The following TBC1D32 variants were observed in gnomAD, a reference collection of about 807,000 sequenced individuals.
TBC1D32 encodes the protein TBC1 domain family member 32, also known as protein broad-minded.
TBC1D32 carries 151 observed loss-of-function variants against 170.3 expected under a neutral mutation model. That is an observed-to-expected ratio of 0.89 (90% CI 0.78 to 1.01). TBC1D32 has a LOEUF of 1.01. Ranked by LOEUF, TBC1D32 falls within the 50% of genes least tolerant of loss-of-function variation. The pLI, the probability that TBC1D32 is intolerant of heterozygous loss-of-function variation, is 0.00. For missense variants in TBC1D32, 1,464 were observed against 1,457.1 expected (o/e 1.00, Z -0.08); for synonymous variants, 498 against 488.0 (o/e 1.02, Z -0.27).
Position 121,228,666 on chromosome 6 carries a change from A to G in TBC1D32, c.2365-5314T>C, listed in dbSNP as rs191610832. ...TTTATTTAGACTTGCATTTAGCCCA[A>G]CATGGTCTATCTTTGAGGACATGCC... is the stretch of plus-strand genomic sequence containing the variant. On this transcript the variant is annotated intron_variant, in intron 20 of 31. Transcript: ENST00000398212. 9.1e-4 allele frequency among the ~76,000 whole-genome samples: 138 copies of G among 152,244 alleles called. 1 individual carries two copies. Among genetic ancestry groups the G allele is most frequent in the Non-Finnish European group, 1.3e-3 (90 of 67,986 alleles).
intron 22 of TBC1D32, among the ~76,000 whole-genome samples, chr6:121,198,811 T>C (rs1483331818): frequency 6.6e-6 from 1 of 150,646 alleles, no homozygotes; most frequent in African/African-American, 2.5e-5. Context: ...AAATGGAGGG[T>C]GAACTAAAGA....
rs1040009446 is a variant in TBC1D32, at chr6:121,090,852, C to A, written c.3654+1G>T. On this transcript the variant is annotated splice_donor_variant, in intron 31 of 31. Transcript: ENST00000398212. LOFTEE classifies it high-confidence loss of function. ...TTTCCTCTCCATATAAACATACTTA[C>A]TTTTAGGAAAACTTGCAGATCTTGA... The A allele has an allele frequency of 1.2e-6, 2 of 1,607,818 alleles. No homozygotes were observed. Among genetic ancestry groups the A allele is most frequent in the Non-Finnish European group, 1.7e-6 (2 of 1,178,368 alleles).
intron 26 of TBC1D32, among the ~76,000 whole-genome samples, chr6:121,117,028 G>T (rs1481639292): frequency 6.6e-6 from 1 of 152,122 alleles, no homozygotes; most frequent in African/African-American, 2.4e-5. Flanking sequence ...AAATAAGATT[G>T]CCAAGAGGGA....
In TBC1D32 at chr6:121,080,467, G is replaced by T. The variant is rs949968365; in HGVS notation, c.*304C>A. On this transcript the variant is annotated 3_prime_UTR_variant, in exon 32 of 32. Transcript: ENST00000398212. ...TTGACCTCGTGATCCGCCCACCTCA[G>T]ACTCCCAAAGTGCTGGGATTACAGG... The T allele has an allele frequency of 4.9e-5, 12 of 245,316 alleles. No individual in the cohort carries two copies. The highest frequency in any genetic ancestry group is 8.2e-5 in the Non-Finnish European group (10 of 122,040). 15.2% of individuals were successfully genotyped at this position (245,316 alleles called of 1,614,324 possible).
Position 121,321,823 on chromosome 6 carries a change from G to A in TBC1D32, c.156-29C>T, listed in dbSNP as rs545278269. 77 of 1,577,562 alleles carry A rather than the reference G, an allele frequency of 4.9e-5. 1 individual carries two copies. Among genetic ancestry groups the A allele is most frequent in the Admixed American group, 3.0e-4 (17 of 56,742 alleles). ...AAACAAATATTTAGAAAATAAATGC[G>A]GTAAATATCATAAGCATATTCAGAA... On this transcript the variant is annotated intron_variant, in intron 1 of 31. Coordinates refer to ENST00000398212, the MANE Select transcript of TBC1D32 (RefSeq NM_152730.6).
intron 31 of TBC1D32, among the ~76,000 whole-genome samples, chr6:121,089,521 T>G (rs538165259): frequency 6.6e-6 from 1 of 152,306 alleles, no homozygotes; most frequent in South Asian, 2.1e-4. Context: ...TGCTTAACAC[T>G]TCCTGTATTC....
At chr6:121,274,883 G>C (rs1802011668) in intron 15 of TBC1D32, among the ~76,000 whole-genome samples, 1 of 152,096 alleles carries the variant, frequency 6.6e-6, no homozygotes, top group Non-Finnish European at 1.5e-5. Flanking sequence ...AACATGCTGA[G>C]AGAGGATTTA....
chr6:121,313,259 C>A (rs1179153356), intron 3 of TBC1D32, among the ~76,000 whole-genome samples: 1 of 150,074 alleles, frequency 6.7e-6, no homozygotes, highest in African/African-American at 2.5e-5. Flanking sequence ...GGATGAACTA[C>A]CATGCCTGGC....
chr6:121,260,101 A>G (rs1799569527), intron 15 of TBC1D32, among the ~76,000 whole-genome samples: 1 of 152,172 alleles, frequency 6.6e-6, no homozygotes, highest in Admixed American at 6.5e-5. Context: ...AAATATACTG[A>G]CATTAGGGGT....
chr6:121,308,740 C>T (rs906381233), intron 4 of TBC1D32, among the ~76,000 whole-genome samples: 1 of 127,030 alleles, frequency 7.9e-6, no homozygotes, highest in African/African-American at 2.9e-5. Flanking sequence ...CCAGGCCAGA[C>T]TGCGGACTGC....
intron 12 of TBC1D32, among the ~76,000 whole-genome samples, chr6:121,284,432 C>A (rs74896820): frequency 0.033 from 4,990 of 152,180 alleles, 191 homozygotes; most frequent in East Asian, 0.12. Context: ...ATGAGTATGG[C>A]TATTTTCCAA....
intron 24 of TBC1D32, among the ~76,000 whole-genome samples, chr6:121,150,707 C>T (rs886422010): frequency 2.6e-5 from 4 of 152,132 alleles, no homozygotes; most frequent in Admixed American, 2.6e-4. Flanking sequence ...TTCAAGGATT[C>T]AACTTCTTCC....
At chr6:121,289,857 C>T (rs1804543696) in intron 12 of TBC1D32, among the ~76,000 whole-genome samples, 1 of 152,090 alleles carries the variant, frequency 6.6e-6, no homozygotes, top group Admixed American at 6.6e-5. Context: ...TATCTACAAC[C>T]ATCTGATCTT....
At chr6:121,192,066 T>TATATATATATATATATATATATATATATA (rs368817994) in intron 22 of TBC1D32, among the ~76,000 whole-genome samples, 1 of 122,414 alleles carries the variant, frequency 8.2e-6, no homozygotes, top group African/African-American at 3.5e-5. Flanking sequence ...AAACTACCCT[T>TATATATATATATATATATATATATATATA]TATATATATA....
chr6:121,185,484 T>C (rs555239749), intron 22 of TBC1D32, among the ~76,000 whole-genome samples: 3 of 152,120 alleles, frequency 2.0e-5, no homozygotes, highest in African/African-American at 4.8e-5. Flanking sequence ...CAAATTTGTA[T>C]AGGAAATATC....
chr6:121,097,052 T>C lies in TBC1D32; in HGVS notation c.3466-6011A>G, dbSNP rs149310540. 3.4e-3 allele frequency among the ~76,000 whole-genome samples: 516 copies of C among 152,234 alleles called. 3 individuals carry two copies. Among genetic ancestry groups the C allele is most frequent in the Middle Eastern group, 0.027 (8 of 294 alleles). On this transcript the variant is annotated intron_variant, in intron 30 of 31. Coordinates refer to ENST00000398212, the MANE Select transcript of TBC1D32 (RefSeq NM_152730.6). ...ACTTTATACAAAAATTAACTCAAGATTGATTAAAGACTTAAACATAAGACC... is the reference window on the plus strand; with the variant it reads ...ACTTTATACAAAAATTAACTCAAGACTGATTAAAGACTTAAACATAAGACC...
intron 15 of TBC1D32, among the ~76,000 whole-genome samples, chr6:121,270,904 T>G (rs998777918): frequency 1.3e-5 from 2 of 152,108 alleles, no homozygotes; most frequent in Non-Finnish European, 2.9e-5. Context: ...ATCAAAAAGC[T>G]TATCCACCAC....
chr6:121,222,886 T>C (rs993708276), intron 21 of TBC1D32, among the ~76,000 whole-genome samples: 9 of 152,194 alleles, frequency 5.9e-5, no homozygotes, highest in Non-Finnish European at 1.0e-4. Flanking sequence ...GTGGATACAA[T>C]TTATTCCTAA....
rs1403435593 is a variant in TBC1D32, at chr6:121,090,893, A to G, written c.3614T>C (p.Leu1205Pro). The change falls in exon 31 of 32, where the codon CTA becomes CCA. Residue 1205 changes from leucine (L) to proline (P), a missense_variant. Physicochemically the swap from Leu to Pro is moderately conservative, Grantham distance 98 (BLOSUM62 -3). Around this residue, in one of 3 missense-constraint regions of TBC1D32, gnomAD observed 97 missense variants for 102.0 expected, o/e 0.95. Coordinates refer to ENST00000398212, the MANE Select transcript of TBC1D32 (RefSeq NM_152730.6). ...AVFKHLQQDI[L>P]QHTQTQDLQV... Reference sequence around the variant, plus strand: ...CAGATCTTGAGTCTGAGTGTGCTGTAGAATGTCTTGCTGTAAATGTTTGAA... The same window carrying G: ...CAGATCTTGAGTCTGAGTGTGCTGTGGAATGTCTTGCTGTAAATGTTTGAA... 3 of 1,612,816 alleles carry G rather than the reference A, an allele frequency of 1.9e-6. No homozygotes were observed. Among genetic ancestry groups the G allele is most frequent in the Non-Finnish European group, 2.5e-6 (3 of 1,179,616 alleles).
Sources: allele counts gnomAD v4.1 joint callset (sites outside exome capture counted in the v4.1 genomes callset), GRCh38; gene constraint gnomAD v4.1.1; regional missense constraint gnomAD v4.1.1; transcripts MANE v1.5; gene names NCBI Gene and HGNC (gene_info 2026-07-23, HGNC 2026-07-21).